CASTOR1: variants seen among roughly 807,000 people sequenced by gnomAD.
The protein encoded by CASTOR1 is GATS protein like 3.
In CASTOR1, 18 loss-of-function variants were observed where a neutral mutation model predicts 33.7. The ratio of observed to expected loss-of-function variants is 0.53; its 90% CI spans 0.37 to 0.79. The LOEUF (loss-of-function observed/expected upper bound fraction) is 0.79. Ranked by LOEUF, CASTOR1 falls within the 30% of genes least tolerant of loss-of-function variation. CASTOR1 has a pLI of 0.00. For missense variants in CASTOR1, 362 were observed against 446.3 expected (o/e 0.81, Z 1.70); for synonymous variants, 175 against 190.6 (o/e 0.92, Z 0.67).
intron 7 of CASTOR1, 44 bp downstream of exon 7, chr22:30,285,971 TC>T (rs1569155840): frequency 4.4e-6 from 7 of 1,582,010 alleles, no homozygotes; most frequent in Non-Finnish European, 6.0e-6. Flanking sequence ...TGCCGGTTGC[TC>T]CCCAGACACT....
At position 30,288,196 on chromosome 22, in the gene CASTOR1, G is replaced by C. The variant is rs574455498; in HGVS notation, c.184+510C>G. 5.9e-5 allele frequency among the ~76,000 whole-genome samples: 9 copies of C among 152,342 alleles called. No homozygotes were observed. In the East Asian group the frequency reaches 1.7e-3, roughly 29 times the overall value. On this transcript the variant is annotated intron_variant, in intron 2 of 8. Coordinates refer to ENST00000407689, the MANE Select transcript of CASTOR1 (RefSeq NM_001037666.3). ...CAGTCCTGAGCTGGGGCCAGGGCCTGGGTGGCTGCTATTCACCCCAGCACA... is the reference window on the plus strand; with the variant it reads ...CAGTCCTGAGCTGGGGCCAGGGCCTCGGTGGCTGCTATTCACCCCAGCACA...
At position 30,285,877 on chromosome 22, in the gene CASTOR1, G is replaced by A. The variant is rs1982188211; in HGVS notation, c.876C>T (p.Asp292=). Residue 292 remains aspartate (D), a synonymous_variant, in exon 8 of 9, where the codon GAC becomes GAT. Coordinates refer to ENST00000407689, the MANE Select transcript of CASTOR1 (RefSeq NM_001037666.3). Reference sequence around the variant, plus strand: ...AGGTGCTGATGTAGTAGGCAGAGATGTCAGCGGCAGCCAGGGGACCTGCAA... The same window carrying A: ...AGGTGCTGATGTAGTAGGCAGAGATATCAGCGGCAGCCAGGGGACCTGCAA... ...AQIAGPLAAA[D]ISAYYISTFN... is the part of the protein sequence containing the mutation. 1.2e-6 allele frequency: 2 copies of A among 1,610,962 alleles called. No individual in the cohort carries two copies. The highest frequency in any genetic ancestry group is 2.7e-5 in the African/African-American group (2 of 75,044).
rs777029628 is a variant in CASTOR1 at position 30,287,146 on chromosome 22, G to A, written c.505+9C>T. 2.2e-5 allele frequency: 35 copies of A among 1,606,700 alleles called. No homozygotes were observed. Among genetic ancestry groups the A allele is most frequent in the Admixed American group, 6.7e-5 (4 of 59,374 alleles). On this transcript the variant is annotated intron_variant, in intron 4 of 8. Coordinates refer to ENST00000407689, the MANE Select transcript of CASTOR1 (RefSeq NM_001037666.3). Reference sequence around the variant, plus strand: ...TGCCCAAGTCCAAGTGTCAGGGGGCGGCCCTCACCATGCTGAGTGCGGGGA... The same window carrying A: ...TGCCCAAGTCCAAGTGTCAGGGGGCAGCCCTCACCATGCTGAGTGCGGGGA...
rs1374207342 is a variant in CASTOR1 at position 30,285,632 on chromosome 22, G to C, written c.978C>G (p.Gly326=). 1.3e-6 allele frequency: 2 copies of C among 1,566,036 alleles called. No individual in the cohort carries two copies. Among genetic ancestry groups the C allele is most frequent in the Admixed American group, 3.7e-5 (2 of 53,574 alleles). ...TTGCCCATGGGCCTCAGGAAGCCAG[G>C]CCTTCCTGCCGCCGCTGGAGGACCT... ...VIEVLQRRQE[G]LAS Residue 326 remains glycine (G), a synonymous_variant, in exon 9 of 9, where the codon GGC becomes GGG. Transcript: ENST00000407689.
At position 30,288,735 on chromosome 22, in the gene CASTOR1, G is replaced by C. The variant is rs201324550; in HGVS notation, c.155C>G (p.Thr52Arg). 6.2e-7 allele frequency: 1 copy of C among 1,612,700 alleles called. No individual in the cohort carries two copies. Among genetic ancestry groups the C allele is most frequent in the Non-Finnish European group, 8.5e-7 (1 of 1,179,474 alleles). ...AAAGCCCTCCTCGTCCACCATAAGCGTGTAATCCTCAGGGGTCTCCGTCAG... is the reference window on the plus strand; with the variant it reads ...AAAGCCCTCCTCGTCCACCATAAGCCTGTAATCCTCAGGGGTCTCCGTCAG... ...FSLTETPEDYTLMVDEEGFKE... is the reference protein window; with the variant it reads ...FSLTETPEDYRLMVDEEGFKE... The change falls in exon 2 of 9, where the codon ACG (threonine) becomes AGG (arginine). Residue 52 changes from threonine (T) to arginine (R), a missense_variant. By Grantham distance (71) the Thr-to-Arg change is moderately conservative. Transcript: ENST00000407689.
At chr22:30,288,992 C>G in intron 1 of CASTOR1, 1 of 558,860 alleles carries the variant, frequency 1.8e-6, no homozygotes, top group East Asian at 3.1e-5. Flanking sequence ...CCCTCCACCC[C>G]TCCACTCCTG....
rs559552159 is a variant in CASTOR1 at position 30,288,172 on chromosome 22, A to C, written c.184+534T>G. On this transcript the variant is annotated intron_variant, in intron 2 of 8. Coordinates refer to ENST00000407689, the MANE Select transcript of CASTOR1 (RefSeq NM_001037666.3). ...CCAGGGAGGGCCCAGGCTGGCGTCC[A>C]GTCCTGAGCTGGGGCCAGGGCCTGG... is the stretch of plus-strand genomic sequence containing the variant. 2.6e-5 allele frequency among the ~76,000 whole-genome samples: 4 copies of C among 152,382 alleles called. No individual in the cohort carries two copies. The South Asian group carries it at 8.3e-4, about 32-fold the overall frequency.
chr22:30,288,843 C>T (rs1601664109), intron 1 of CASTOR1, 67 bp from the exon 2 acceptor site: 1 of 1,373,718 alleles, frequency 7.3e-7, no homozygotes, highest in East Asian at 2.5e-5. Flanking sequence ...GGATTTCTCT[C>T]CATCTGCCCC....
Position 30,285,934 on chromosome 22 carries a change from T to C in CASTOR1, c.827-8A>G. 1 of 1,597,908 alleles carries C rather than the reference T, an allele frequency of 6.3e-7. No individual in the cohort carries two copies. Among genetic ancestry groups the C allele is most frequent in the Non-Finnish European group, 8.5e-7 (1 of 1,173,126 alleles). On this transcript the variant is annotated splice_region_variant and splice_polypyrimidine_tract_variant and intron_variant, in intron 7 of 8. Transcript: ENST00000407689. ...CCACGATGCCACATTCATCTGAGGG[T>C]GGTGGAGGAAGGCCACATGTGGCAC...
Position 30,285,882 on chromosome 22 carries a change from CG to C in CASTOR1, c.870del (p.Ala291LeufsTer66). On this transcript the variant is annotated frameshift_variant, in exon 8 of 9. Transcript: ENST00000407689. LOFTEE classifies it high-confidence loss of function. ...IVAQIAGPLAAADISAYYIST... is the reference protein window; with the variant it reads ...IVAQIAGPLAXADISAYYIST... ...CTGATGTAGTAGGCAGAGATGTCAGCGGCAGCCAGGGGACCTGCAATCTGTG... is the reference window on the plus strand; with the variant it reads ...CTGATGTAGTAGGCAGAGATGTCAGCGCAGCCAGGGGACCTGCAATCTGTG... 6.2e-7 allele frequency: 1 copy of C among 1,609,250 alleles called. No individual in the cohort carries two copies. The highest frequency in any genetic ancestry group is 8.5e-7 in the Non-Finnish European group (1 of 1,178,418).
chr22:30,288,174 T>C (rs997000193), intron 2 of CASTOR1, among the ~76,000 whole-genome samples: 4 of 152,224 alleles, frequency 2.6e-5, no homozygotes, highest in African/African-American at 9.6e-5. Context: ...TGGCGTCCAG[T>C]CCTGAGCTGG....
chr22:30,285,773 TCCTGCCGCCCACATTTC>T, intron 8 of CASTOR1, 42 bp downstream of exon 8: 1 of 1,537,558 alleles, frequency 6.5e-7, no homozygotes, highest in Non-Finnish European at 8.8e-7. Flanking sequence ...TGAGACTACC[TCCTGCCGCCCACATTTC>T]TGGGCCTCAC....
At chr22:30,286,626 C>T (rs1157471506) in intron 5 of CASTOR1, 199 bp downstream of exon 5, 12 of 744,766 alleles carry the variant, frequency 1.6e-5, no homozygotes, top group South Asian at 5.0e-5. Flanking sequence ...ATGGCTCAGA[C>T]GACCCCACTG....
At chr22:30,289,151 A>G in intron 1 of CASTOR1, 1 of 580,388 alleles carries the variant, frequency 1.7e-6, no homozygotes, top group South Asian at 2.0e-5. Context: ...GACACTACTG[A>G]GTTAAGCATT....
In CASTOR1 at chr22:30,288,852, C is replaced by T. The variant is rs1425025290; in HGVS notation, c.114-76G>A. The T allele has an allele frequency of 6.4e-6, 8 of 1,249,118 alleles. No individual in the cohort carries two copies. In the East Asian group the frequency reaches 1.5e-4, roughly 24 times the overall value. The allele number at this position is 1,249,118 out of a possible 1,614,324, so 77.4% of individuals were successfully genotyped here. ...GGGAGTGGATTTCTCTCCATCTGCC[C>T]CGAGACACCCCCGCGACCCTGGGCC... is the stretch of plus-strand genomic sequence containing the variant. On this transcript the variant is annotated intron_variant, in intron 1 of 8. Transcript: ENST00000407689.
chr22:30,286,232 T>TGGGGCCC (rs1929762053), intron 6 of CASTOR1, 31 bp downstream of exon 6: 1 of 1,551,576 alleles, frequency 6.4e-7, no homozygotes, highest in South Asian at 1.1e-5. Flanking sequence ...GGCTGGGGCC[T>TGGGGCCC]GGGGCCCACC....
In CASTOR1 at chr22:30,286,895, G is replaced by A. The variant is rs746875088; in HGVS notation, c.559C>T (p.Leu187Phe). The A allele has an allele frequency of 1.9e-6, 3 of 1,614,176 alleles. No homozygotes were observed. The highest frequency in any genetic ancestry group is 1.3e-5 in the African/African-American group (1 of 75,030). ...GGAAGCGTCTCAGGGTCCAGTGTGA[G>A]GACACAGAAGCGGTTCTGTGGGCTC... ...IQSPQNRFCV[L>F]TLDPETLPAI... The change falls in exon 5 of 9, where the codon CTC becomes TTC. Residue 187 changes from leucine (L) to phenylalanine (F), a missense_variant. Coordinates refer to ENST00000407689, the MANE Select transcript of CASTOR1 (RefSeq NM_001037666.3).
At chr22:30,285,715 G>C (rs751234614) in intron 8 of CASTOR1, 27 bp from the exon 9 acceptor site, 1 of 1,548,606 alleles carries the variant, frequency 6.5e-7, no homozygotes, top group Non-Finnish European at 8.7e-7. Context: ...AGGAGGGAAG[G>C]GTCAAGGCGG....
Position 30,289,426 on chromosome 22 carries a change from G to A in CASTOR1, c.72C>T (p.Thr24=), listed in dbSNP as rs768899084. ...GGAAGAGCAGCTTGATGAGCGGGTG[G>A]GTGTAGAGCCAGAGACCGGGACGGG... is the stretch of plus-strand genomic sequence containing the variant. The part of the protein sequence containing the change: ...SVARPGLWLY[T]HPLIKLLFLP... Residue 24 remains threonine, a synonymous_variant, in exon 1 of 9, where the codon ACC becomes ACT. Coordinates refer to ENST00000407689, the MANE Select transcript of CASTOR1 (RefSeq NM_001037666.3). The A allele has an allele frequency of 1.9e-6, 3 of 1,600,702 alleles. No individual in the cohort carries two copies. Among genetic ancestry groups the A allele is most frequent in the Middle Eastern group, 1.7e-4 (1 of 6,042 alleles).
Sources: gnomAD v4.1 joint callset for allele counts (sites outside exome capture counted in the v4.1 genomes callset) on GRCh38, gnomAD v4.1.1 for gene constraint, MANE v1.5 for transcripts, NCBI Gene and HGNC (gene_info 2026-07-23, HGNC 2026-07-21) for gene names.